Variants in PCDHGA5 observed in about 807,000 individuals in gnomAD.
PCDHGA5 encodes the protein protocadherin gamma subfamily A, 5.
A neutral mutation model predicts 56.7 loss-of-function variants in PCDHGA5; 36 were observed. The observed-to-expected ratio is 0.64, with a 90% CI of 0.49 to 0.84. PCDHGA5 has a LOEUF of 0.84. PCDHGA5 is among the 40% of genes least tolerant of loss of function. The pLI is 0.00. For synonymous variants in PCDHGA5, 563 were observed against 520.2 expected, an observed-to-expected ratio of 1.08 and a Z score of -1.12; for missense variants, 1,305 against 1,201.5, an observed-to-expected ratio of 1.09 and a Z score of -1.27.
In PCDHGA5 at chr5:141,448,136, A is replaced by G. The variant is rs2098567363; in HGVS notation, c.2422-46671A>G. Among the ~76,000 whole-genome samples, 5 of 152,036 alleles carry G rather than the reference A, an allele frequency of 3.3e-5. No individual in the cohort carries two copies. The South Asian group carries it at 1.0e-3, about 32-fold the overall frequency. On this transcript the variant is annotated intron_variant, in intron 1 of 3. Transcript: ENST00000518069. ...AAAATTAGCCTCCCCCACCCTCACT[A>G]TACCTCAGACTCACCCCTGAAAGAT...
intron 1 of PCDHGA5, among the ~76,000 whole-genome samples, chr5:141,494,392 A>C (rs1296077484): frequency 1.3e-5 from 2 of 152,258 alleles, no homozygotes; most frequent in East Asian, 3.9e-4. Flanking sequence ...GAGTTGAATA[A>C]ATTCATTCTA....
chr5:141,376,493 C>T (rs1772744309), intron 1 of PCDHGA5: 1 of 1,614,130 alleles, frequency 6.2e-7, no homozygotes, highest in Non-Finnish European at 8.5e-7. Flanking sequence ...GAAAGGAGAA[C>T]CCAGGCAACT....
intron 1 of PCDHGA5, chr5:141,400,636 G>C: frequency 7.5e-7 from 1 of 1,325,762 alleles, no homozygotes; most frequent in Non-Finnish European, 1.1e-6. Context: ...AGTCAGAGCT[G>C]CTCAGAAAGC....
Position 141,494,808 on chromosome 5 carries a change from A to G in PCDHGA5, c.2423A>G (p.Gln808Arg). The G allele has an allele frequency of 1.9e-6, 3 of 1,614,014 alleles. No individual in the cohort carries two copies. Among genetic ancestry groups the G allele is most frequent in the Non-Finnish European group, 2.5e-6 (3 of 1,179,982 alleles). The change falls in exon 2 of 4, where the codon CAA becomes CGA. Residue 808 changes from glutamine to arginine, a missense_variant and splice_region_variant. Gln to Arg is a conservative substitution (Grantham distance 43, BLOSUM62 1). Coordinates refer to ENST00000518069, the MANE Select transcript of PCDHGA5 (RefSeq NM_018918.3). ...CCTTTCCCTCTGTTTTCTCCACAGC[A>G]AGCCCCGCCCAACACGGACTGGCGT... ...DANKEERRVQ[Q>R]APPNTDWRFS...
rs140056243 is a variant in PCDHGA5 at position 141,487,386 on chromosome 5, G to A, written c.2422-7421G>A. 21 of 1,614,046 alleles carry A rather than the reference G, an allele frequency of 1.3e-5. No individual in the cohort carries two copies. The highest frequency in any genetic ancestry group is 4.0e-5 in the African/African-American group (3 of 74,920). On this transcript the variant is annotated intron_variant, in intron 1 of 3. Coordinates refer to ENST00000518069, the MANE Select transcript of PCDHGA5 (RefSeq NM_018918.3). The surrounding 1 kb of genome is among the most constrained non-coding windows in gnomAD (Gnocchi z 5.0). Reference sequence around the variant, plus strand: ...ACCTGTGCCTGTCTCACCAGATCTCGAAGGAGGGAGGGGCTTCCCCCTTCC... The same window carrying A: ...ACCTGTGCCTGTCTCACCAGATCTCAAAGGAGGGAGGGGCTTCCCCCTTCC...
Position 141,431,615 on chromosome 5 carries a change from G to A in PCDHGA5, c.2422-63192G>A. 1.2e-6 allele frequency: 2 copies of A among 1,614,236 alleles called. No homozygotes were observed. Among genetic ancestry groups the A allele is most frequent in the Non-Finnish European group, 1.7e-6 (2 of 1,180,042 alleles). ...GAGGTATTCCTTCCGGTATGTGGACGACAAGGCGGCCCAAGTTTTCAAACT... is the reference window on the plus strand; with the variant it reads ...GAGGTATTCCTTCCGGTATGTGGACAACAAGGCGGCCCAAGTTTTCAAACT... On this transcript the variant is annotated intron_variant, in intron 1 of 3. Coordinates refer to ENST00000518069, the MANE Select transcript of PCDHGA5 (RefSeq NM_018918.3). The surrounding 1 kb of genome is among the most constrained non-coding windows in gnomAD (Gnocchi z 4.8).
chr5:141,417,875 G>A, intron 1 of PCDHGA5: 1 of 1,556,360 alleles, frequency 6.4e-7, no homozygotes, highest in South Asian at 1.2e-5. Flanking sequence ...AGGGAGCTGC[G>A]CGCAGAGGCG....
At chr5:141,413,597 A>C in intron 1 of PCDHGA5, 2 of 1,613,888 alleles carry the variant, frequency 1.2e-6, no homozygotes, top group Non-Finnish European at 8.5e-7. Context: ...CAAGCAGAAA[A>C]TCTAGACGTA....
intron 1 of PCDHGA5, chr5:141,428,594 G>T (rs1317075888): frequency 4.4e-6 from 1 of 227,916 alleles, no homozygotes; most frequent in Admixed American, 5.2e-5. Context: ...CTGGTAGCAA[G>T]CTTCACTGAA....
chr5:141,365,586 A>G lies in PCDHGA5; in HGVS notation c.1256A>G (p.Asn419Ser), dbSNP rs757726887. 5 of 1,613,564 alleles carry G rather than the reference A, an allele frequency of 3.1e-6. No individual in the cohort carries two copies. In the Admixed American group the frequency reaches 6.7e-5, roughly 22 times the overall value. The change falls in exon 1 of 4, where the codon AAT becomes AGT. Residue 419 changes from asparagine (N) to serine (S), a missense_variant. By Grantham distance (46) the Asn-to-Ser change is conservative (BLOSUM62 1). Transcript: ENST00000518069. ...GACAGAGAAGAGACTTCAGATTATA[A>G]TATCACTTTAACCGTCATGGACCAT... is the stretch of plus-strand genomic sequence containing the variant. The part of the protein sequence containing the change: ...DLDREETSDY[N>S]ITLTVMDHGT...
rs558951022 is a variant in PCDHGA5 at position 141,501,554 on chromosome 5, C to T, written c.2481-3839C>T. On this transcript the variant is annotated intron_variant, in intron 2 of 3. Coordinates refer to ENST00000518069, the MANE Select transcript of PCDHGA5 (RefSeq NM_018918.3). ...CGTTGTTGTGCATAAGATCATAGGC[C>T]CTGGAATCATATTAGGCTGGCTTTC... is the stretch of plus-strand genomic sequence containing the variant. Among the ~76,000 whole-genome samples the T allele has an allele frequency of 3.3e-5, 5 of 152,044 alleles. No homozygotes were observed. In the East Asian group the frequency reaches 7.8e-4, roughly 24 times the overall value.
At position 141,511,983 on chromosome 5, in the gene PCDHGA5, G is replaced by A. The variant is rs904146751; in HGVS notation, c.*810G>A. 6.5e-6 allele frequency: 1 copy of A among 153,280 alleles called. No homozygotes were observed. The highest frequency in any genetic ancestry group is 1.5e-5 in the Non-Finnish European group (1 of 68,572). The allele number at this position is 153,280 out of a possible 1,614,324, so 9.5% of individuals were successfully genotyped here. A position where few individuals can be genotyped will look rare whatever the true frequency, so the allele number is the denominator to read the frequency against. ...AGGGAAGTGTGTGGATGTGGATGGT[G>A]GGGGCATGGACAAAGCTTGACACAT... On this transcript the variant is annotated 3_prime_UTR_variant, in exon 4 of 4. Coordinates refer to ENST00000518069, the MANE Select transcript of PCDHGA5 (RefSeq NM_018918.3).
rs926566427 is a variant in PCDHGA5, at chr5:141,505,127, A to T, written c.2481-266A>T. Among the ~76,000 whole-genome samples, 9 of 152,158 alleles carry T rather than the reference A, an allele frequency of 5.9e-5. No homozygotes were observed. The East Asian group carries it at 1.5e-3, about 26-fold the overall frequency. The stretch of plus-strand genomic sequence containing the variant: ...CAATGAGCCAAGATCGCGCCACTGC[A>T]CTCCAGCCTGGATGACAGAGTAAGA... On this transcript the variant is annotated intron_variant, in intron 2 of 3. Transcript: ENST00000518069.
chr5:141,463,653 G>A (rs1378583183), intron 1 of PCDHGA5, among the ~76,000 whole-genome samples: 2 of 151,764 alleles, frequency 1.3e-5, no homozygotes, highest in Admixed American at 6.6e-5. Context: ...GGGTTTCACC[G>A]TGTTAGCCAG....
In PCDHGA5 at chr5:141,491,996, G is replaced by T; in HGVS notation, c.2422-2811G>T. ...TCCTTCGAGCTTCCGGTGAATTTCG[G>T]GCGATTTCCGCGGGTGTCGGGGGTC... is the stretch of plus-strand genomic sequence containing the variant. On this transcript the variant is annotated intron_variant, in intron 1 of 3. Coordinates refer to ENST00000518069, the MANE Select transcript of PCDHGA5 (RefSeq NM_018918.3). This position sits in a 1 kb window ranked among gnomAD's most constrained non-coding sequence, Gnocchi z 6.9. The T allele has an allele frequency of 2.9e-6, 2 of 686,328 alleles. No individual in the cohort carries two copies. Among genetic ancestry groups the T allele is most frequent in the Non-Finnish European group, 4.5e-6 (2 of 441,080 alleles). 42.5% of individuals were successfully genotyped at this position (686,328 alleles called of 1,614,324 possible). A position where few individuals can be genotyped will look rare whatever the true frequency, so the allele number is the denominator to read the frequency against.
At chr5:141,423,620 C>A in intron 1 of PCDHGA5, 1 of 1,608,268 alleles carries the variant, frequency 6.2e-7, no homozygotes, top group Non-Finnish European at 8.5e-7. Flanking sequence ...GCTGAAGACT[C>A]AGCTATCATT....
At chr5:141,400,357 T>C (rs769075513) in intron 1 of PCDHGA5, 1 of 1,614,052 alleles carries the variant, frequency 6.2e-7, no homozygotes, top group Non-Finnish European at 8.5e-7. Flanking sequence ...TCAGGGGACT[T>C]TGCCTTATTC....
intron 3 of PCDHGA5, 89 bp from the exon 4 acceptor site, chr5:141,510,858 T>G: frequency 6.2e-7 from 1 of 1,606,182 alleles, no homozygotes; most frequent in Non-Finnish European, 8.5e-7. Context: ...GGGTGCTGTA[T>G]AGGCATTCAT....
intron 2 of PCDHGA5, 105 bp downstream of exon 2, chr5:141,494,970 C>T (rs1352514628): frequency 1.9e-6 from 3 of 1,584,974 alleles, no homozygotes; most frequent in East Asian, 4.6e-5. Context: ...GATGGCTTCT[C>T]CCTCAGTTTG....
Sources: gnomAD v4.1 joint callset for allele counts (sites outside exome capture counted in the v4.1 genomes callset) on GRCh38, gnomAD v4.1.1 for gene constraint, Gnocchi (gnomAD v3.1) non-coding constraint, MANE v1.5 for transcripts, NCBI Gene and HGNC (gene_info 2026-07-23, HGNC 2026-07-21) for gene names.